Variants in RPN2 observed in about 807,000 individuals in gnomAD.
The protein encoded by RPN2 is ribophorin II.
RPN2 carries 29 observed loss-of-function variants against 71.4 expected under a neutral mutation model. That is an observed-to-expected ratio of 0.41 (90% CI 0.30 to 0.55). The LOEUF is 0.55. Among genes scored for constraint, RPN2 ranks in the 20% least tolerant of loss-of-function variants. The probability of loss-of-function intolerance (pLI) is 0.35; values close to 1 mark genes in which losing one functional copy is unlikely to be tolerated. For synonymous variants in RPN2, 308 were observed against 305.0 expected (o/e 1.01, Z -0.10); for missense variants, 726 against 774.1 (o/e 0.94, Z 0.74).
rs1322795546 is a variant in RPN2 at position 37,184,289 on chromosome 20, G to C, written c.123G>C (p.Leu41=). 2 of 1,614,050 alleles carry C rather than the reference G, an allele frequency of 1.2e-6. No individual in the cohort carries two copies. Among genetic ancestry groups the C allele is most frequent in the Non-Finnish European group, 1.7e-6 (2 of 1,180,050 alleles). Residue 41 remains leucine (L), a synonymous_variant, in exon 2 of 17, where the codon CTG becomes CTC. Coordinates refer to ENST00000237530, the MANE Select transcript of RPN2 (RefSeq NM_002951.5). The part of the protein sequence containing the change: ...KHDVERLKAS[L]DRPFTNLESA... ...ACGTGGAGAGACTAAAAGCCTCGCT[G>C]GATCGCCCTTTCACAAATTTGGAAT...
chr20:37,211,758 G>A (rs2067676161), intron 8 of RPN2, among the ~76,000 whole-genome samples: 2 of 150,558 alleles, frequency 1.3e-5, no homozygotes, highest in African/African-American at 4.9e-5. Context: ...TTGAGATGGA[G>A]TTTTACTCTT....
intron 2 of RPN2, among the ~76,000 whole-genome samples, chr20:37,197,428 A>G (rs1385080776): frequency 6.6e-6 from 1 of 152,200 alleles, no homozygotes; most frequent in Non-Finnish European, 1.5e-5. Flanking sequence ...GACAGAAACC[A>G]GAGGCGGGAC....
chr20:37,232,400 C>T lies in RPN2; in HGVS notation c.1677+9C>T. ...TTCTGCTCTTCGCTCTGGTGAGTGG[C>T]TGTAATTAGCGTGGGCAGCATGCGT... On this transcript the variant is annotated intron_variant, in intron 14 of 16. Coordinates refer to ENST00000237530, the MANE Select transcript of RPN2 (RefSeq NM_002951.5). The T allele has an allele frequency of 6.2e-7, 1 of 1,614,120 alleles. No individual in the cohort carries two copies. Among genetic ancestry groups the T allele is most frequent in the Non-Finnish European group, 8.5e-7 (1 of 1,179,982 alleles).
chr20:37,200,115 G>A (rs1229472119), intron 4 of RPN2, among the ~76,000 whole-genome samples: 3 of 151,828 alleles, frequency 2.0e-5, no homozygotes, highest in Non-Finnish European at 4.4e-5. Context: ...CTGCCTCAGC[G>A]TCTTCAGTGG....
chr20:37,224,404 G>A (rs2068029524), intron 10 of RPN2, among the ~76,000 whole-genome samples: 1 of 152,072 alleles, frequency 6.6e-6, no homozygotes, highest in South Asian at 2.1e-4. Flanking sequence ...TGACCTAATG[G>A]CAAGTCTCTC....
intron 11 of RPN2, among the ~76,000 whole-genome samples, chr20:37,226,418 G>C (rs1187391287): frequency 6.6e-6 from 1 of 152,172 alleles, no homozygotes; most frequent in Non-Finnish European, 1.5e-5. Context: ...AGGCATGGTG[G>C]CTCACGCCTG....
intron 9 of RPN2, among the ~76,000 whole-genome samples, chr20:37,222,237 G>A (rs967753064): frequency 2.6e-5 from 4 of 152,144 alleles, no homozygotes; most frequent in Admixed American, 1.3e-4. Context: ...AACCTGATGG[G>A]CCATCGTCCC....
intron 16 of RPN2, chr20:37,238,635 G>A (rs2068468870): frequency 1.4e-6 from 1 of 732,580 alleles, no homozygotes; most frequent in East Asian, 2.5e-5. Context: ...CAGGGCAAAA[G>A]CTTCCTGAGT....
chr20:37,182,661 T>C (rs1453810501), intron 1 of RPN2, among the ~76,000 whole-genome samples: 1 of 152,034 alleles, frequency 6.6e-6, no homozygotes, highest in Non-Finnish European at 1.5e-5. Context: ...TCCCCAAGTG[T>C]TGGGATTACA....
chr20:37,222,441 A>G (rs1199880077), intron 9 of RPN2, among the ~76,000 whole-genome samples: 2 of 152,142 alleles, frequency 1.3e-5, no homozygotes. Flanking sequence ...CAACATGATA[A>G]TTGAGGCTGT....
At position 37,238,285 on chromosome 20, in the gene RPN2, C is replaced by T. The variant is rs2068455246; in HGVS notation, c.1883+1576C>T. On this transcript the variant is annotated intron_variant, in intron 16 of 16. Transcript: ENST00000237530. ...TGTGAGTCCTAGAATGAACTCTACC[C>T]TGGAAAAATCAGTGACCCTAATGGA... is the stretch of plus-strand genomic sequence containing the variant. 4 of 811,582 alleles carry T rather than the reference C, an allele frequency of 4.9e-6. No individual in the cohort carries two copies. The East Asian group carries it at 1.1e-4, about 22-fold the overall frequency. The allele number at this position is 811,582 out of a possible 1,614,324, so 50.3% of individuals were successfully genotyped here.
At chr20:37,230,923 G>A (rs1343484105) in intron 13 of RPN2, among the ~76,000 whole-genome samples, 4 of 151,864 alleles carry the variant, frequency 2.6e-5, no homozygotes, top group East Asian at 1.9e-4. Context: ...TAATGGCAGC[G>A]GCAGCAAAGA....
In RPN2 at chr20:37,184,626, G is replaced by A. The variant is rs6031893; in HGVS notation, c.207+253G>A. Among the ~76,000 whole-genome samples, 62,446 of 151,828 alleles carry A rather than the reference G, an allele frequency of 0.41. 14,040 individuals are homozygous for A. The highest frequency in any genetic ancestry group is 0.58 in the African/African-American group (23,989 of 41,358). On this transcript the variant is annotated intron_variant, in intron 2 of 16. Transcript: ENST00000237530. ...GCCAGTGCAGTGAAACCCTGACTCTGCTAAAAATAGAAAAAATTAGCTGGG... is the reference window on the plus strand; with the variant it reads ...GCCAGTGCAGTGAAACCCTGACTCTACTAAAAATAGAAAAAATTAGCTGGG...
chr20:37,237,873 CTT>C (rs1350746946), intron 16 of RPN2, among the ~76,000 whole-genome samples: 9 of 152,176 alleles, frequency 5.9e-5, no homozygotes, highest in Non-Finnish European at 1.3e-4. Flanking sequence ...TAAGTTCTCT[CTT>C]TTCTGGAAGT....
At chr20:37,232,577 A>G (rs1382913331) in intron 14 of RPN2, among the ~76,000 whole-genome samples, 186 bp downstream of exon 14, 2 of 152,206 alleles carry the variant, frequency 1.3e-5, no homozygotes, top group Non-Finnish European at 2.9e-5. Context: ...GGAGTGGCCA[A>G]ATAAACTGCC....
At chr20:37,200,714 A>T (rs1389851500) in intron 4 of RPN2, among the ~76,000 whole-genome samples, 1 of 152,096 alleles carries the variant, frequency 6.6e-6, no homozygotes, top group African/African-American at 2.4e-5. Flanking sequence ...CATTTTGTAC[A>T]CACTTTGTCC....
At chr20:37,225,045 T>C (rs1410541134) in intron 10 of RPN2, among the ~76,000 whole-genome samples, 1 of 152,224 alleles carries the variant, frequency 6.6e-6, no homozygotes, top group Non-Finnish European at 1.5e-5. Flanking sequence ...CTGAGCTCTG[T>C]AACCATTTGG....
rs1488175604 is a variant in RPN2, at chr20:37,241,427, A to G, written c.*112A>G. ...AAAAAAACTTTATTTAAAAAAGAAA[A>G]AAGTCCAGATTGTAGTTATACTTTT... is the stretch of plus-strand genomic sequence containing the variant. On this transcript the variant is annotated 3_prime_UTR_variant, in exon 17 of 17. Transcript: ENST00000237530. 2 of 1,297,514 alleles carry G rather than the reference A, an allele frequency of 1.5e-6. No individual in the cohort carries two copies. The highest frequency in any genetic ancestry group is 2.5e-5 in the East Asian group (1 of 39,786). 80.4% of individuals were successfully genotyped at this position (1,297,514 alleles called of 1,614,324 possible).
intron 10 of RPN2, among the ~76,000 whole-genome samples, chr20:37,224,377 C>A (rs191743006): frequency 6.6e-6 from 1 of 152,282 alleles, no homozygotes; most frequent in East Asian, 1.9e-4. Context: ...TCATCACAGT[C>A]CTGAATTTGC....
Sources: gnomAD v4.1 joint callset for allele counts (sites outside exome capture counted in the v4.1 genomes callset) on GRCh38, gnomAD v4.1.1 for gene constraint, MANE v1.5 for transcripts, NCBI Gene and HGNC (gene_info 2026-07-23, HGNC 2026-07-21) for gene names.